The following RABGAP1L variants were observed in gnomAD, a reference collection of about 807,000 sequenced individuals.
RABGAP1L encodes the protein rab GTPase-activating protein 1-like.
RABGAP1L carries 63 observed loss-of-function variants against 137.7 expected under a neutral mutation model. That is an observed-to-expected ratio of 0.46 (90% CI 0.37 to 0.56). The LOEUF is 0.56. RABGAP1L is among the 20% of genes least tolerant of loss of function. RABGAP1L has a pLI of 0.00. For synonymous variants in RABGAP1L, 431 were observed against 433.7 expected, an observed-to-expected ratio of 0.99 and a Z score of 0.08; for missense variants, 1,095 against 1,244.0, an observed-to-expected ratio of 0.88 and a Z score of 1.80.
chr1:174,384,722 ACCT>A (rs1686597153), intron 12 of RABGAP1L, among the ~76,000 whole-genome samples: 1 of 151,962 alleles, frequency 6.6e-6, no homozygotes, highest in Admixed American at 6.6e-5. Context: ...AGTGCACATG[ACCT>A]CCTTAAAGTC....
At chr1:174,327,994 T>TACATAC (rs1308177891) in intron 11 of RABGAP1L, among the ~76,000 whole-genome samples, 21 of 77,390 alleles carry the variant, frequency 2.7e-4, no homozygotes, top group African/African-American at 1.4e-3. Context: ...CACATATATA[T>TACATAC]ATATATATAT....
chr1:174,557,638 A>G (rs571172010), intron 13 of RABGAP1L, among the ~76,000 whole-genome samples: 119 of 152,336 alleles, frequency 7.8e-4, no homozygotes, highest in East Asian at 3.5e-3. Context: ...AGCCCAAGCT[A>G]GGATCCCAGT....
intron 13 of RABGAP1L, among the ~76,000 whole-genome samples, chr1:174,483,407 G>C (rs1289226185): frequency 1.3e-5 from 2 of 152,058 alleles, no homozygotes; most frequent in African/African-American, 4.8e-5. Flanking sequence ...TCTGTGCCTG[G>C]CTTATTTCAC....
At chr1:174,233,296 G>C (rs1670849138) in intron 4 of RABGAP1L, among the ~76,000 whole-genome samples, 1 of 151,136 alleles carries the variant, frequency 6.6e-6, no homozygotes, top group African/African-American at 2.4e-5. Flanking sequence ...TTAAGTTTTA[G>C]GGTACATGTG....
chr1:174,929,457 T>C (rs1432765876), intron 19 of RABGAP1L, among the ~76,000 whole-genome samples: 1 of 152,092 alleles, frequency 6.6e-6, no homozygotes, highest in African/African-American at 2.4e-5. Flanking sequence ...ATTAGAAATT[T>C]AGGGGCCAGA....
chr1:174,303,902 T>A (rs1558115552), intron 10 of RABGAP1L, among the ~76,000 whole-genome samples: 1 of 152,160 alleles, frequency 6.6e-6, no homozygotes, highest in Non-Finnish European at 1.5e-5. Context: ...ATTTCCAATC[T>A]GTATACTTTT....
At chr1:174,160,270 C>T in intron 1 of RABGAP1L, among the ~76,000 whole-genome samples, 1 of 136,560 alleles carries the variant, frequency 7.3e-6, no homozygotes, top group South Asian at 2.3e-4. Context: ...ACAAACACCT[C>T]CCCCCAACCC....
intron 13 of RABGAP1L, among the ~76,000 whole-genome samples, chr1:174,486,802 G>A (rs892306942): frequency 1.3e-5 from 2 of 151,924 alleles, no homozygotes; most frequent in Non-Finnish European, 2.9e-5. Flanking sequence ...TCTCAGTGCT[G>A]TATCCTGTAG....
In RABGAP1L at chr1:174,988,885, GGT is replaced by G. The variant is rs1346546982; in HGVS notation, c.3003+48_3003+49del. 3.3e-5 allele frequency: 49 copies of G among 1,478,798 alleles called. No individual in the cohort carries two copies. The Admixed American group carries it at 1.1e-3, about 34-fold the overall frequency. 91.6% of individuals were successfully genotyped at this position (1,478,798 alleles called of 1,614,324 possible). ...CAAGAAGAAAGAATAAACAATTAAT[GGT>G]CCAGGATACTCTAGTACTTCAGAAT... On this transcript the variant is annotated intron_variant, in intron 25 of 25. Transcript: ENST00000681986.
In RABGAP1L at chr1:174,944,644, T is replaced by TAA. The variant is rs71815856; in HGVS notation, c.2341-12794_2341-12793dup. Among the ~76,000 whole-genome samples the TAA allele has an allele frequency of 1.8e-3, 220 of 119,640 alleles. 3 individuals carry two copies. Among genetic ancestry groups the TAA allele is most frequent in the East Asian group, 3.8e-3 (17 of 4,478 alleles). 78.5% of individuals were successfully genotyped at this position (119,640 alleles called of 152,430 possible). A position where few individuals can be genotyped will look rare whatever the true frequency, so the allele number is the denominator to read the frequency against. ...AGAGTGAGACCCTGTCTCAAAAAATTAAAAAAAAAAAAAAAAAAAAGTCAG... is the reference window on the plus strand; with the variant it reads ...AGAGTGAGACCCTGTCTCAAAAAATTAAAAAAAAAAAAAAAAAAAAAAGTCAG... On this transcript the variant is annotated intron_variant, in intron 19 of 25. Coordinates refer to ENST00000681986, the MANE Select transcript of RABGAP1L (RefSeq NM_001366446.1).
intron 20 of RABGAP1L, chr1:174,958,218 A>T (rs1331920150): frequency 7.7e-7 from 1 of 1,300,766 alleles, no homozygotes; most frequent in Admixed American, 2.4e-5. Context: ...ATTTATTTCC[A>T]CAAATGAATT....
intron 13 of RABGAP1L, among the ~76,000 whole-genome samples, chr1:174,623,024 C>G (rs1174206332): frequency 6.6e-6 from 1 of 152,130 alleles, no homozygotes; most frequent in Non-Finnish European, 1.5e-5. Flanking sequence ...ACTTAATATT[C>G]TTCCTTGCAC....
intron 10 of RABGAP1L, among the ~76,000 whole-genome samples, chr1:174,300,705 A>G (rs561683893): frequency 9.5e-4 from 144 of 152,070 alleles, no homozygotes; most frequent in Non-Finnish European, 1.2e-3. Context: ...CATCTCTACT[A>G]AAAATACAAA....
chr1:174,816,768 T>C (rs1304269999), intron 19 of RABGAP1L, among the ~76,000 whole-genome samples: 3 of 147,676 alleles, frequency 2.0e-5, no homozygotes, highest in Non-Finnish European at 4.5e-5. Context: ...AGTCTTGCTC[T>C]GTCACCAGGC....
intron 15 of RABGAP1L, among the ~76,000 whole-genome samples, chr1:174,688,875 A>G (rs986347047): frequency 2.0e-5 from 3 of 152,088 alleles, no homozygotes; most frequent in African/African-American, 7.2e-5. Flanking sequence ...ATAAAGTTCA[A>G]TAACAAGCAA....
chr1:174,405,347 A>G (rs991198105), intron 13 of RABGAP1L, among the ~76,000 whole-genome samples: 5 of 152,198 alleles, frequency 3.3e-5, no homozygotes, highest in Non-Finnish European at 7.3e-5. Context: ...ATAACACTCA[A>G]TACTAGATTT....
chr1:174,257,394 A>G (rs1673222230), intron 7 of RABGAP1L, among the ~76,000 whole-genome samples: 1 of 152,214 alleles, frequency 6.6e-6, no homozygotes, highest in Non-Finnish European at 1.5e-5. Flanking sequence ...CAACTTGAAT[A>G]TAGAAACCTA....
At chr1:174,266,559 C>G (rs1307537804) in intron 7 of RABGAP1L, among the ~76,000 whole-genome samples, 1 of 152,106 alleles carries the variant, frequency 6.6e-6, no homozygotes, top group Non-Finnish European at 1.5e-5. Context: ...TTTCTGTTAC[C>G]ATAGTATATT....
At chr1:174,715,029 C>G (rs1680889281) in intron 17 of RABGAP1L, among the ~76,000 whole-genome samples, 1 of 152,098 alleles carries the variant, frequency 6.6e-6, no homozygotes, top group Non-Finnish European at 1.5e-5. Flanking sequence ...AGGGCGTAAT[C>G]TTTAAAATTA....
Sources: gnomAD v4.1 joint callset for allele counts (sites outside exome capture counted in the v4.1 genomes callset) on GRCh38, gnomAD v4.1.1 for gene constraint, MANE v1.5 for transcripts, NCBI Gene and HGNC (gene_info 2026-07-23, HGNC 2026-07-21) for gene names.